PCDH15: variants seen among roughly 807,000 people sequenced by gnomAD.
PCDH15 encodes protocadherin related 15, also known as protocadherin-15.
In PCDH15, 129 loss-of-function variants were observed where a neutral mutation model predicts 178.5. The observed-to-expected ratio is 0.72, with a 90% CI of 0.63 to 0.84. The LOEUF (loss-of-function observed/expected upper bound fraction) is 0.84, where lower values mean the gene tolerates loss of function less well. Among genes scored for constraint, PCDH15 ranks in the 40% least tolerant of loss-of-function variants. The pLI is 0.00. For missense variants in PCDH15, 2,230 were observed against 2,099.9 expected, an observed-to-expected ratio of 1.06 and a Z score of -1.21; for synonymous variants, 800 against 732.0, an observed-to-expected ratio of 1.09 and a Z score of -1.50.
At chr10:54,375,472 A>G (rs1441220648) in intron 4 of PCDH15, among the ~76,000 whole-genome samples, 1 of 152,038 alleles carries the variant, frequency 6.6e-6, no homozygotes, top group African/African-American at 2.4e-5. Context: ...ATTATTTTTT[A>G]TATCTATGCT....
chr10:54,025,412 T>A (rs979276665), intron 18 of PCDH15, among the ~76,000 whole-genome samples: 2 of 152,008 alleles, frequency 1.3e-5, no homozygotes, highest in Non-Finnish European at 2.9e-5. Flanking sequence ...AGAACTGAGA[T>A]CCCCACTTCC....
At chr10:54,780,810 T>C (rs1346752250) in intron 1 of PCDH15, among the ~76,000 whole-genome samples, 2 of 151,692 alleles carry the variant, frequency 1.3e-5, no homozygotes, top group Admixed American at 1.3e-4. Flanking sequence ...TTTGGAGATA[T>C]TTGGTAGCTT....
At chr10:55,081,219 G>A (rs1488073939) in intron 2 of PCDH15, among the ~76,000 whole-genome samples, 1 of 152,076 alleles carries the variant, frequency 6.6e-6, no homozygotes, top group African/African-American at 2.4e-5. Flanking sequence ...CCTATGTTGA[G>A]CTTCAGTGTT....
At chr10:53,913,469 C>T (rs1443308750) in intron 25 of PCDH15, among the ~76,000 whole-genome samples, 2 of 151,824 alleles carry the variant, frequency 1.3e-5, no homozygotes, top group Non-Finnish European at 2.9e-5. Flanking sequence ...CGCGGTGGCT[C>T]ACACCTGTAA....
At chr10:54,036,493 T>A (rs2093419634) in intron 18 of PCDH15, among the ~76,000 whole-genome samples, 1 of 147,080 alleles carries the variant, frequency 6.8e-6, no homozygotes, top group African/African-American at 2.5e-5. Context: ...CAATGCCTAA[T>A]AAAAGCATAT....
At chr10:54,483,507 T>G (rs1038192922) in intron 3 of PCDH15, among the ~76,000 whole-genome samples, 2 of 151,880 alleles carry the variant, frequency 1.3e-5, no homozygotes, top group African/African-American at 4.8e-5. Flanking sequence ...CTCATTCTCT[T>G]GTAATTTCTT....
intron 1 of PCDH15, among the ~76,000 whole-genome samples, chr10:55,243,506 T>C (rs1460692945): frequency 6.6e-6 from 1 of 152,190 alleles, no homozygotes; most frequent in Non-Finnish European, 1.5e-5. Context: ...GTTGTTCAAT[T>C]TCTTTACTTT....
intron 3 of PCDH15, among the ~76,000 whole-genome samples, chr10:54,812,751 C>T (rs1952886004): frequency 6.6e-6 from 1 of 152,074 alleles, no homozygotes; most frequent in South Asian, 2.1e-4. Flanking sequence ...GCCACCACAC[C>T]CAGCCTTTTT....
chr10:54,105,331 C>CAT (rs1418965535), intron 15 of PCDH15, among the ~76,000 whole-genome samples: 11 of 82,740 alleles, frequency 1.3e-4, no homozygotes, highest in Admixed American at 1.1e-3. Context: ...CACACACATA[C>CAT]ATATATATAC....
At chr10:54,369,356 G>C in intron 4 of PCDH15, 81 bp from the exon 5 acceptor site, 1 of 1,260,338 alleles carries the variant, frequency 7.9e-7, no homozygotes, top group Non-Finnish European at 1.1e-6. Context: ...CGTTCATTCA[G>C]TACATTTTTC....
intron 2 of PCDH15, among the ~76,000 whole-genome samples, chr10:54,590,430 G>A (rs1048659298): frequency 1.1e-4 from 17 of 152,018 alleles, no homozygotes; most frequent in Non-Finnish European, 1.8e-4. Flanking sequence ...AATTTTCTGC[G>A]TTCCATCATT....
chr10:53,820,117 G>T (rs1303733900), intron 33 of PCDH15, 48 bp downstream of exon 33: 2 of 397,044 alleles, frequency 5.0e-6, no homozygotes, highest in African/African-American at 4.1e-5. Flanking sequence ...GTAGATATTA[G>T]CTTAGAAAAG....
At chr10:54,569,843 A>C (rs1490575535) in intron 2 of PCDH15, among the ~76,000 whole-genome samples, 2 of 152,180 alleles carry the variant, frequency 1.3e-5, no homozygotes, top group African/African-American at 4.8e-5. Context: ...TAAGATACAC[A>C]AAAATCTTGC....
intron 1 of PCDH15, among the ~76,000 whole-genome samples, chr10:55,286,956 ATG>A (rs1842887105): frequency 6.6e-6 from 1 of 152,036 alleles, no homozygotes; most frequent in Non-Finnish European, 1.5e-5. Flanking sequence ...AATCACTTTT[ATG>A]AATTAAAGCT....
intron 3 of PCDH15, among the ~76,000 whole-genome samples, chr10:54,391,587 G>GA (rs112034818): frequency 0.14 from 20,902 of 146,660 alleles, 1,632 homozygotes; most frequent in Middle Eastern, 0.23. Context: ...ATTTCATCAG[G>GA]AAAAAAAAAA....
intron 1 of PCDH15, among the ~76,000 whole-genome samples, chr10:54,792,232 T>C (rs1951486016): frequency 6.6e-6 from 1 of 151,944 alleles, no homozygotes; most frequent in African/African-American, 2.4e-5. Flanking sequence ...TGGGAAATAC[T>C]TGCCTACTCC....
chr10:55,495,168 G>A (rs1451020374), intron 2 of PCDH15, among the ~76,000 whole-genome samples: 1 of 151,666 alleles, frequency 6.6e-6, no homozygotes, highest in African/African-American at 2.4e-5. Context: ...AAAAATAGGT[G>A]TATGTCTTCA....
At chr10:55,050,651 A>G (rs576068942) in intron 2 of PCDH15, among the ~76,000 whole-genome samples, 2 of 152,048 alleles carry the variant, frequency 1.3e-5, no homozygotes, top group South Asian at 4.1e-4. Context: ...CATATCCTCT[A>G]CATTGAGGAT....
intron 2 of PCDH15, among the ~76,000 whole-genome samples, chr10:55,367,180 T>C (rs545029487): frequency 6.6e-6 from 1 of 152,068 alleles, no homozygotes; most frequent in Non-Finnish European, 1.5e-5. Context: ...GTCTTACCTT[T>C]AAAAAAATGC....
Sources: allele counts gnomAD v4.1 joint callset (sites outside exome capture counted in the v4.1 genomes callset), GRCh38; gene constraint gnomAD v4.1.1; transcripts MANE v1.5; gene names NCBI Gene and HGNC (gene_info 2026-07-23, HGNC 2026-07-21).